The following FNIP1 variants were observed in gnomAD, a reference collection of about 807,000 sequenced individuals.
FNIP1 encodes folliculin interacting protein 1.
FNIP1 carries 40 observed loss-of-function variants against 124.5 expected under a neutral mutation model. That is an observed-to-expected ratio of 0.32 (90% CI 0.25 to 0.42). The LOEUF (loss-of-function observed/expected upper bound fraction) is 0.42, where lower values mean the gene tolerates loss of function less well. Ranked by LOEUF, FNIP1 falls within the 10% of genes least tolerant of loss-of-function variation. FNIP1 has a pLI of 1.00. For missense variants in FNIP1, 1,176 were observed against 1,403.7 expected (o/e 0.84, Z 2.59); for synonymous variants, 472 against 470.6 (o/e 1.00, Z -0.04).
chr5:131,676,024 A>G (rs1470903094), intron 13 of FNIP1, among the ~76,000 whole-genome samples: 1 of 150,666 alleles, frequency 6.6e-6, no homozygotes, highest in African/African-American at 2.4e-5. Context: ...ACGCCCAGCT[A>G]ATTTTTTTTT....
chr5:131,719,625 T>G (rs529530992), intron 3 of FNIP1, among the ~76,000 whole-genome samples: 1 of 152,314 alleles, frequency 6.6e-6, no homozygotes, highest in Non-Finnish European at 1.5e-5. Context: ...TTTGACTAAT[T>G]CCTTTTAAGA....
chr5:131,726,439 C>G (rs552874552), intron 3 of FNIP1, among the ~76,000 whole-genome samples: 33 of 152,098 alleles, frequency 2.2e-4, no homozygotes, highest in African/African-American at 7.7e-4. Context: ...TGTATGTGTC[C>G]AGGAATTTAT....
intron 10 of FNIP1, among the ~76,000 whole-genome samples, chr5:131,703,362 T>A (rs1240193372): frequency 1.3e-5 from 2 of 152,194 alleles, no homozygotes; most frequent in Non-Finnish European, 2.9e-5. Context: ...GTAAGAGTGA[T>A]CCTCATAAAT....
chr5:131,773,313 T>C (rs552638416), intron 1 of FNIP1, among the ~76,000 whole-genome samples: 3 of 152,300 alleles, frequency 2.0e-5, no homozygotes, highest in East Asian at 3.9e-4. Flanking sequence ...CAGGTTTCAA[T>C]TATTATATAA....
chr5:131,796,418 A>C (rs954362263), intron 1 of FNIP1: 1 of 190,214 alleles, frequency 5.3e-6, no homozygotes, highest in Admixed American at 6.1e-5. Context: ...CCGGAGGACA[A>C]CTGGTCACGG....
chr5:131,680,784 A>T (rs549020598), intron 11 of FNIP1, among the ~76,000 whole-genome samples: 1 of 152,294 alleles, frequency 6.6e-6, no homozygotes, highest in East Asian at 1.9e-4. Context: ...ACTTAATTTT[A>T]AAAAAATTGC....
chr5:131,726,438 C>T (rs536490672), intron 3 of FNIP1, among the ~76,000 whole-genome samples: 33 of 152,138 alleles, frequency 2.2e-4, no homozygotes, highest in African/African-American at 7.7e-4. Context: ...GTGTATGTGT[C>T]CAGGAATTTA....
intron 5 of FNIP1, among the ~76,000 whole-genome samples, chr5:131,716,990 T>TA (rs1769488810): frequency 5.3e-5 from 8 of 150,940 alleles, no homozygotes; most frequent in East Asian, 3.9e-4. Flanking sequence ...ATATATATAT[T>TA]TTTTTTTATT....
At chr5:131,679,691 A>G (rs553583025) in intron 11 of FNIP1, among the ~76,000 whole-genome samples, 16 of 152,208 alleles carry the variant, frequency 1.1e-4, no homozygotes, top group Non-Finnish European at 2.1e-4. Flanking sequence ...GTATACATAC[A>G]TGCTACATTT....
At chr5:131,753,038 C>A (rs1231485574) in intron 1 of FNIP1, among the ~76,000 whole-genome samples, 1 of 152,214 alleles carries the variant, frequency 6.6e-6, no homozygotes, top group Non-Finnish European at 1.5e-5. Flanking sequence ...CATCACTGCA[C>A]TCCAGCCTGG....
At chr5:131,796,555 G>A (rs1385480446) in intron 1 of FNIP1, 2 of 510,834 alleles carry the variant, frequency 3.9e-6, no homozygotes, top group Middle Eastern at 5.0e-4. Context: ...TAGGTCCGGA[G>A]GAGCAGAGTC....
chr5:131,653,835 G>C (rs564851891), intron 15 of FNIP1, among the ~76,000 whole-genome samples: 1 of 152,092 alleles, frequency 6.6e-6, no homozygotes. Context: ...TCCACCTCCC[G>C]GGTTCAAGTG....
chr5:131,764,286 T>C (rs1771344772), intron 1 of FNIP1, among the ~76,000 whole-genome samples: 1 of 150,900 alleles, frequency 6.6e-6, no homozygotes, highest in Non-Finnish European at 1.5e-5. Context: ...TTTATAGCAA[T>C]ACAAGAATGG....
intron 15 of FNIP1, among the ~76,000 whole-genome samples, chr5:131,658,907 CAAA>C (rs70974003): frequency 1.2e-3 from 49 of 41,160 alleles, no homozygotes; most frequent in African/African-American, 4.1e-3. Context: ...TGGGTCTAGC[CAAA>C]AAAAAAAAAA....
At chr5:131,756,447 G>T (rs972278374) in intron 1 of FNIP1, among the ~76,000 whole-genome samples, 1 of 152,084 alleles carries the variant, frequency 6.6e-6, no homozygotes, top group Admixed American at 6.5e-5. Context: ...AAATACACAG[G>T]TGTATAATAT....
intron 15 of FNIP1, among the ~76,000 whole-genome samples, chr5:131,656,735 T>G (rs577094989): frequency 6.6e-6 from 1 of 152,088 alleles, no homozygotes; most frequent in Admixed American, 6.6e-5. Flanking sequence ...CAGGTTTTTA[T>G]TGCTGATGAA....
rs567954743 is a variant in FNIP1 at position 131,748,678 on chromosome 5, C to G, written c.93-3988G>C. 1.8e-3 allele frequency among the ~76,000 whole-genome samples: 208 copies of G among 113,006 alleles called. 1 individual carries two copies. The highest frequency in any genetic ancestry group is 6.9e-3 in the African/African-American group (198 of 28,520). The allele number at this position is 113,006 out of a possible 152,430, so 74.1% of individuals were successfully genotyped here. A position where few individuals can be genotyped will look rare whatever the true frequency, so the allele number is the denominator to read the frequency against. On this transcript the variant is annotated intron_variant, in intron 1 of 17. Transcript: ENST00000510461. ...CGCCACTGCACTCCAGCCTGGGCGA[C>G]AGAGTGAGACTCTGTCTCAAAAAAA...
chr5:131,708,452 C>T (rs568391831), intron 8 of FNIP1, among the ~76,000 whole-genome samples: 62 of 152,252 alleles, frequency 4.1e-4, no homozygotes, highest in African/African-American at 1.3e-3. Flanking sequence ...AACACTTTTC[C>T]TTTTAGCTAA....
intron 13 of FNIP1, among the ~76,000 whole-genome samples, chr5:131,674,134 C>G (rs1370967559): frequency 1.3e-5 from 2 of 152,174 alleles, no homozygotes; most frequent in Admixed American, 1.3e-4. Context: ...GCACCCCACC[C>G]CACCAGCTCC....
Sources: gnomAD v4.1 joint callset for allele counts (sites outside exome capture counted in the v4.1 genomes callset) on GRCh38, gnomAD v4.1.1 for gene constraint, MANE v1.5 for transcripts, NCBI Gene and HGNC (gene_info 2026-07-23, HGNC 2026-07-21) for gene names.